The following IL34 variants were observed in gnomAD, a reference collection of about 807,000 sequenced individuals.
IL34 encodes interleukin-34.
A neutral mutation model predicts 25.3 loss-of-function variants in IL34; 17 were observed. The observed-to-expected ratio is 0.67, with a 90% CI of 0.46 to 1.01. IL34 has a LOEUF of 1.01. Ranked by LOEUF, IL34 falls within the 50% of genes least tolerant of loss-of-function variation. The probability of loss-of-function intolerance (pLI) is 0.00; values close to 1 mark genes in which losing one functional copy is unlikely to be tolerated. For missense variants in IL34, 368 were observed against 312.9 expected (o/e 1.18, Z -1.33); for synonymous variants, 174 against 140.9 (o/e 1.23, Z -1.66).
In IL34 at chr16:70,647,055, A is replaced by C. The variant is rs572450078; in HGVS notation, c.28+80A>C. ...AGGATCTGCCGTAACCATAGCAACCAGGGCATTCTTGCTGGTGAGAAGTTG... is the reference window on the plus strand; with the variant it reads ...AGGATCTGCCGTAACCATAGCAACCCGGGCATTCTTGCTGGTGAGAAGTTG... On this transcript the variant is annotated intron_variant, in intron 1 of 5. Coordinates refer to ENST00000288098, the MANE Select transcript of IL34 (RefSeq NM_001393494.1). 3.2e-6 allele frequency: 4 copies of C among 1,242,790 alleles called. No individual in the cohort carries two copies. The Admixed American group carries it at 1.2e-4, about 38-fold the overall frequency. 77.0% of individuals were successfully genotyped at this position (1,242,790 alleles called of 1,614,324 possible).
chr16:70,628,632 A>G (rs2151847119), intron 1 of IL34, among the ~76,000 whole-genome samples: 1 of 151,644 alleles, frequency 6.6e-6, no homozygotes, highest in South Asian at 2.1e-4. Flanking sequence ...GATTACAGGC[A>G]CCCGCCACCA....
chr16:70,636,771 C>CAAAACA, intron 1 of IL34, among the ~76,000 whole-genome samples: 1 of 150,980 alleles, frequency 6.6e-6, no homozygotes, highest in South Asian at 2.1e-4. Flanking sequence ...CTGTCTCAAA[C>CAAAACA]AAACAAAACA....
Position 70,660,364 on chromosome 16 carries a change from C to T in IL34, c.*177C>T. 1.7e-6 allele frequency: 1 copy of T among 583,726 alleles called. No individual in the cohort carries two copies. Among genetic ancestry groups the T allele is most frequent in the Non-Finnish European group, 2.9e-6 (1 of 348,772 alleles). The allele number at this position is 583,726 out of a possible 1,614,324, so 36.2% of individuals were successfully genotyped here. On this transcript the variant is annotated 3_prime_UTR_variant, in exon 6 of 6. Coordinates refer to ENST00000288098, the MANE Select transcript of IL34 (RefSeq NM_001393494.1). ...ACAGCAGGGCTCAGCTTCCTGCCTT[C>T]CATAGCTGTCATGGCCTCACCTGGA... is the stretch of plus-strand genomic sequence containing the variant.
chr16:70,649,971 G>A (rs2052038583), intron 1 of IL34, among the ~76,000 whole-genome samples: 2 of 152,028 alleles, frequency 1.3e-5, no homozygotes, highest in South Asian at 4.1e-4. Context: ...GCTAATTTTT[G>A]TATTTTTAGT....
At chr16:70,608,901 C>T (rs1008028939) in intron 1 of IL34, among the ~76,000 whole-genome samples, 5 of 151,812 alleles carry the variant, frequency 3.3e-5, no homozygotes, top group African/African-American at 4.8e-5. Flanking sequence ...GGTGTGGGGG[C>T]GGGTGTTGCC....
chr16:70,645,721 C>T (rs1407969527), upstream of IL34, among the ~76,000 whole-genome samples: 1 of 152,184 alleles, frequency 6.6e-6, no homozygotes, highest in Non-Finnish European at 1.5e-5. Flanking sequence ...AGATTTTGCA[C>T]TTCCATGAGA....
chr16:70,629,969 G>T (rs1216682047), intron 1 of IL34, among the ~76,000 whole-genome samples: 3 of 151,982 alleles, frequency 2.0e-5, no homozygotes, highest in Admixed American at 6.6e-5. Flanking sequence ...CTATGTTTTT[G>T]TACCAACCAA....
At chr16:70,659,297 G>T (rs916951702) in intron 4 of IL34, among the ~76,000 whole-genome samples, 2 of 152,226 alleles carry the variant, frequency 1.3e-5, no homozygotes, top group Admixed American at 1.3e-4. Flanking sequence ...AGGTCAGGGG[G>T]TCCTCACGCA....
upstream of IL34, among the ~76,000 whole-genome samples, chr16:70,644,510 A>G (rs1344724684): frequency 6.6e-6 from 1 of 152,166 alleles, no homozygotes; most frequent in Admixed American, 6.6e-5. Flanking sequence ...TGATTATTAT[A>G]GTAATTACAC....
intron 1 of IL34, among the ~76,000 whole-genome samples, chr16:70,618,677 G>T (rs537599605): frequency 2.6e-5 from 4 of 152,288 alleles, no homozygotes; most frequent in African/African-American, 7.2e-5. Flanking sequence ...CGCTAACCAT[G>T]CCTAGGGAGG....
intron 1 of IL34, among the ~76,000 whole-genome samples, chr16:70,610,382 G>T (rs1210815606): frequency 6.6e-6 from 1 of 152,106 alleles, no homozygotes; most frequent in African/African-American, 2.4e-5. Flanking sequence ...AGTTGACCCA[G>T]TTCTCCTTCT....
chr16:70,652,614 C>T (rs2052108635), intron 1 of IL34, among the ~76,000 whole-genome samples: 1 of 152,186 alleles, frequency 6.6e-6, no homozygotes, highest in Admixed American at 6.5e-5. Context: ...TTATTGGCTA[C>T]ATGCATTATT....
At position 70,638,712 on chromosome 16, in the gene IL34, C is replaced by G. The variant is rs201893902; in HGVS notation, c.-400-7836C>G. On this transcript the variant is annotated intron_variant, in intron 1 of 6. Transcript: ENST00000429149. ...TCCCGGGGTCAAGCCTCTTGAGTAC[C>G]TGGGACTGTGGGTATGCCACCACAT... 9.9e-5 allele frequency among the ~76,000 whole-genome samples: 15 copies of G among 152,194 alleles called. No individual in the cohort carries two copies. In the East Asian group the frequency reaches 2.7e-3, roughly 27 times the overall value.
At chr16:70,659,936 A>C in intron 5 of IL34, 61 bp from the exon 6 acceptor site, 1 of 1,503,976 alleles carries the variant, frequency 6.6e-7, no homozygotes, top group Non-Finnish European at 8.9e-7. Flanking sequence ...GGCTTGGCTT[A>C]GTGGGGAGGG....
chr16:70,627,430 TCCCCTC>T (rs894482986), intron 1 of IL34, among the ~76,000 whole-genome samples: 2 of 110,402 alleles, frequency 1.8e-5, no homozygotes, highest in African/African-American at 3.8e-5. Context: ...ATCCCTCCTC[TCCCCTC>T]CCCCTCCGCT....
At chr16:70,622,674 G>A (rs531744935) in intron 1 of IL34, among the ~76,000 whole-genome samples, 67 of 151,528 alleles carry the variant, frequency 4.4e-4, no homozygotes, top group Non-Finnish European at 6.3e-4. Context: ...ATAATGTGGG[G>A]GGCCAGATTG....
In IL34 at chr16:70,604,702, A is replaced by T. The variant is rs887303514; in HGVS notation, c.-401+24653A>T. On this transcript the variant is annotated intron_variant, in intron 1 of 6. Coordinates refer to the IL34 transcript ENST00000429149. Reference sequence around the variant, plus strand: ...TAGATTGGACTTAAAATGTCAGGAGACAGAAAGGAGTTAGGCAAAGTCCGA... The same window carrying T: ...TAGATTGGACTTAAAATGTCAGGAGTCAGAAAGGAGTTAGGCAAAGTCCGA... 5.3e-5 allele frequency among the ~76,000 whole-genome samples: 8 copies of T among 152,200 alleles called. 1 individual carries two copies. The highest frequency in any genetic ancestry group is 1.5e-5 in the Non-Finnish European group (1 of 68,036).
chr16:70,647,686 C>T (rs1458021057), intron 1 of IL34, among the ~76,000 whole-genome samples: 1 of 152,162 alleles, frequency 6.6e-6, no homozygotes, highest in East Asian at 1.9e-4. Flanking sequence ...CTGTCTCGTG[C>T]CTCTGTCTCC....
intron 1 of IL34, among the ~76,000 whole-genome samples, chr16:70,633,296 C>T (rs951730645): frequency 2.6e-5 from 4 of 151,450 alleles, no homozygotes; most frequent in African/African-American, 9.7e-5. Flanking sequence ...CTCTGTTGCT[C>T]ATGCTGGAGT....
Sources: gnomAD v4.1 joint callset for allele counts (sites outside exome capture counted in the v4.1 genomes callset) on GRCh38, gnomAD v4.1.1 for gene constraint, MANE v1.5 for transcripts, NCBI Gene and HGNC (gene_info 2026-07-23, HGNC 2026-07-21) for gene names.